Variants in BNC2 observed in about 807,000 individuals in gnomAD.
The protein encoded by BNC2 is zinc finger protein basonuclin-2.
BNC2 carries 20 observed loss-of-function variants against 76.3 expected under a neutral mutation model. The observed-to-expected ratio is 0.26, with a 90% CI of 0.18 to 0.38. The LOEUF is 0.38. Among genes scored for constraint, BNC2 ranks in the 10% least tolerant of loss-of-function variants. The probability of loss-of-function intolerance (pLI) is 1.00; values close to 1 mark genes in which losing one functional copy is unlikely to be tolerated. For synonymous variants in BNC2, 582 were observed against 514.8 expected, an observed-to-expected ratio of 1.13 and a Z score of -1.77; for missense variants, 1,382 against 1,399.8, an observed-to-expected ratio of 0.99 and a Z score of 0.20.
intron 1 of BNC2, among the ~76,000 whole-genome samples, chr9:16,826,848 T>C (rs373220255): frequency 1.4e-4 from 22 of 152,282 alleles, no homozygotes; most frequent in Non-Finnish European, 2.4e-4. Flanking sequence ...GATCGATGGA[T>C]GGATGAATAC....
chr9:16,660,219 C>T (rs1473812088), intron 3 of BNC2, among the ~76,000 whole-genome samples: 4 of 152,292 alleles, frequency 2.6e-5, no homozygotes, highest in Non-Finnish European at 2.9e-5. Context: ...CTTCGGGAGG[C>T]CGAGTCGGGC....
intron 5 of BNC2, among the ~76,000 whole-genome samples, chr9:16,550,832 T>G (rs1234677899): frequency 6.6e-6 from 1 of 152,176 alleles, no homozygotes; most frequent in Non-Finnish European, 1.5e-5. Flanking sequence ...TTAGCCAAGC[T>G]AACAGTTCCA....
At chr9:16,831,749 A>G (rs1412231019) in intron 1 of BNC2, among the ~76,000 whole-genome samples, 1 of 152,178 alleles carries the variant, frequency 6.6e-6, no homozygotes, top group Admixed American at 6.5e-5. Context: ...TTAAAAACTC[A>G]ATCAAGTGCT....
chr9:16,645,135 G>T (rs1821587667), intron 3 of BNC2, among the ~76,000 whole-genome samples: 1 of 152,060 alleles, frequency 6.6e-6, no homozygotes, highest in African/African-American at 2.4e-5. Flanking sequence ...AGGTAAAAAA[G>T]ATAACAATTA....
chr9:16,632,269 C>T (rs1455605669), intron 3 of BNC2, among the ~76,000 whole-genome samples: 1 of 152,118 alleles, frequency 6.6e-6, no homozygotes, highest in East Asian at 1.9e-4. Flanking sequence ...GCACTGAGAT[C>T]TCAGGATCAG....
rs796345635 is a variant in BNC2, at chr9:16,752,550, G to A, written c.4-14065C>T. Among the ~76,000 whole-genome samples the A allele has an allele frequency of 4.6e-5, 7 of 152,260 alleles. No individual in the cohort carries two copies. The East Asian group carries it at 1.2e-3, about 25-fold the overall frequency. ...AGTAAAATTCTTACGCAGTCTTAGA[G>A]AACAAGTCATTCTTACAAATTACTT... On this transcript the variant is annotated intron_variant, in intron 1 of 6. Transcript: ENST00000380672.
chr9:16,858,646 C>T (rs1455606634), intron 1 of BNC2, among the ~76,000 whole-genome samples: 2 of 151,942 alleles, frequency 1.3e-5, no homozygotes, highest in African/African-American at 4.8e-5. Flanking sequence ...AGGATCAAGA[C>T]CATCCTGGCT....
chr9:16,790,443 C>G (rs960211849), intron 1 of BNC2, among the ~76,000 whole-genome samples: 7 of 152,116 alleles, frequency 4.6e-5, no homozygotes, highest in African/African-American at 1.7e-4. Context: ...ACATCAGAAA[C>G]TCTGAGAATT....
At chr9:16,825,696 C>G (rs924052298) in intron 1 of BNC2, among the ~76,000 whole-genome samples, 1 of 152,076 alleles carries the variant, frequency 6.6e-6, no homozygotes, top group Admixed American at 6.6e-5. Flanking sequence ...CAGAAACATT[C>G]CCTCCTAACT....
chr9:16,616,836 G>GAAGGAAGGAAGGAAGGAAGT lies in BNC2; in HGVS notation c.331-33752_331-33751insACTTCCTTCCTTCCTTCCTT, dbSNP rs796264760. On this transcript the variant is annotated intron_variant, in intron 3 of 6. Transcript: ENST00000380672. ...GGAAGGAAGAAAGGAAGGAAGGAAG[G>GAAGGAAGGAAGGAAGGAAGT]AAGTTCTACTGACACGTGGGAATTT... Among the ~76,000 whole-genome samples, 120 of 150,304 alleles carry GAAGGAAGGAAGGAAGGAAGT rather than the reference G, an allele frequency of 8.0e-4. 2 individuals are homozygous for GAAGGAAGGAAGGAAGGAAGT. The highest frequency in any genetic ancestry group is 3.8e-3 in the South Asian group (18 of 4,688).
intron 5 of BNC2, among the ~76,000 whole-genome samples, chr9:16,543,983 T>C (rs929256073): frequency 6.6e-6 from 1 of 152,218 alleles, no homozygotes; most frequent in African/African-American, 2.4e-5. Flanking sequence ...TGACCAATCA[T>C]ACATGTGATC....
chr9:16,665,411 A>AGAGAGAGAG (rs1212363590), intron 3 of BNC2, among the ~76,000 whole-genome samples: 3 of 115,378 alleles, frequency 2.6e-5, no homozygotes, highest in African/African-American at 9.8e-5. Context: ...AGAAAGAGAG[A>AGAGAGAGAG]AAAGAAAGGA....
rs535512843 is a variant in BNC2 at position 16,847,995 on chromosome 9, T to C, written c.3+22651A>G. Among the ~76,000 whole-genome samples the C allele has an allele frequency of 1.1e-4, 16 of 152,332 alleles. No individual in the cohort carries two copies. In the South Asian group the frequency reaches 3.3e-3, roughly 32 times the overall value. Reference sequence around the variant, plus strand: ...AACAAGAAATATTCCAAAGCATCCCTTTTCTAAGTCTCTGTTCAAAGACAA... The same window carrying C: ...AACAAGAAATATTCCAAAGCATCCCCTTTCTAAGTCTCTGTTCAAAGACAA... On this transcript the variant is annotated intron_variant, in intron 1 of 6. Coordinates refer to ENST00000380672, the MANE Select transcript of BNC2 (RefSeq NM_017637.6).
At chr9:16,566,624 G>T (rs568856934) in intron 4 of BNC2, among the ~76,000 whole-genome samples, 14 of 152,070 alleles carry the variant, frequency 9.2e-5, no homozygotes, top group Admixed American at 3.9e-4. Context: ...TAATTGCAAG[G>T]TACACAGACT....
intron 1 of BNC2, among the ~76,000 whole-genome samples, chr9:16,858,910 G>A (rs1355362514): frequency 6.6e-5 from 10 of 152,084 alleles, no homozygotes; most frequent in African/African-American, 2.4e-4. Context: ...ACAATCAGCA[G>A]AGTGAAGAGA....
chr9:16,766,898 C>G (rs566824269), intron 1 of BNC2, among the ~76,000 whole-genome samples: 1 of 152,330 alleles, frequency 6.6e-6, no homozygotes, highest in African/African-American at 2.4e-5. Flanking sequence ...AACAACTCCC[C>G]TACCCAGTTT....
intron 1 of BNC2, among the ~76,000 whole-genome samples, chr9:16,768,220 C>T (rs1287899867): frequency 6.6e-6 from 1 of 152,022 alleles, no homozygotes; most frequent in Admixed American, 6.6e-5. Context: ...CCCACCTCAG[C>T]GTCCCAAAGT....
At chr9:16,812,516 T>G (rs916158829) in intron 1 of BNC2, among the ~76,000 whole-genome samples, 27 of 152,334 alleles carry the variant, frequency 1.8e-4, no homozygotes, top group African/African-American at 6.5e-4. Context: ...GTTTGTCACC[T>G]CGTGTCATTA....
At chr9:16,485,765 C>A (rs1417611091) in intron 5 of BNC2, among the ~76,000 whole-genome samples, 1 of 152,008 alleles carries the variant, frequency 6.6e-6, no homozygotes, top group African/African-American at 2.4e-5. Flanking sequence ...GCTGTTACCA[C>A]ACCACTGCAC....
Sources: allele counts gnomAD v4.1 joint callset (sites outside exome capture counted in the v4.1 genomes callset), GRCh38; gene constraint gnomAD v4.1.1; transcripts MANE v1.5; gene names NCBI Gene and HGNC (gene_info 2026-07-23, HGNC 2026-07-21).